Variants in SENP6 observed in about 807,000 individuals in gnomAD.
The protein encoded by SENP6 is SUMO specific peptidase 6.
SENP6 carries 41 observed loss-of-function variants against 134.5 expected under a neutral mutation model. That is an observed-to-expected ratio of 0.30 (90% CI 0.24 to 0.40). The LOEUF is 0.40. Among genes scored for constraint, SENP6 ranks in the 10% least tolerant of loss-of-function variants. The pLI, the probability that SENP6 is intolerant of heterozygous loss-of-function variation, is 1.00. For missense variants in SENP6, 1,248 were observed against 1,312.5 expected (o/e 0.95, Z 0.76); for synonymous variants, 395 against 429.8 (o/e 0.92, Z 1.00).
intron 3 of SENP6, among the ~76,000 whole-genome samples, chr6:75,624,238 G>A (rs977919684): frequency 6.6e-6 from 1 of 152,066 alleles, no homozygotes; most frequent in South Asian, 2.1e-4. Context: ...GAGACCATCT[G>A]TAAGAGTTCA....
At position 75,601,931 on chromosome 6, in the gene SENP6, G is replaced by A. The variant is rs557010369; in HGVS notation, c.-594G>A. 6.6e-6 allele frequency: 1 copy of A among 152,236 alleles called. No homozygotes were observed. The highest frequency in any genetic ancestry group is 1.5e-5 in the Non-Finnish European group (1 of 68,070). 9.4% of individuals were successfully genotyped at this position (152,236 alleles called of 1,614,324 possible). On this transcript the variant is annotated 5_prime_UTR_variant, in exon 1 of 24. Transcript: ENST00000447266. ...CGACCGACGCGAGGCGGTGGCAGAG[G>A]AGACCCACCCCTGTCCACATGGACA...
intron 16 of SENP6, among the ~76,000 whole-genome samples, chr6:75,680,316 G>A (rs762116953): frequency 1.3e-5 from 2 of 152,186 alleles, no homozygotes; most frequent in Non-Finnish European, 2.9e-5. Flanking sequence ...TTAGAGGTCT[G>A]TGATATAACA....
chr6:75,679,120 T>C (rs1198769892), intron 16 of SENP6, 193 bp downstream of exon 16: 1 of 457,880 alleles, frequency 2.2e-6, no homozygotes, highest in African/African-American at 2.1e-5. Context: ...TAAAAAGTTG[T>C]GAAAATTGGG....
chr6:75,622,820 G>A (rs761939448), intron 2 of SENP6: 3 of 1,288,684 alleles, frequency 2.3e-6, no homozygotes, highest in South Asian at 2.5e-5. Context: ...CCGATGAGAT[G>A]TTGATTTGAA....
At chr6:75,711,180 T>TA in intron 20 of SENP6, 148 bp from the exon 21 acceptor site, 1 of 534,614 alleles carries the variant, frequency 1.9e-6, no homozygotes, top group South Asian at 3.3e-5. Flanking sequence ...TTAAGTAACA[T>TA]ACCACATCTC....
Position 75,707,597 on chromosome 6 carries a change from A to G in SENP6, c.2717-1930A>G, listed in dbSNP as rs138520552. Among the ~76,000 whole-genome samples, 776 of 151,926 alleles carry G rather than the reference A, an allele frequency of 5.1e-3. 7 individuals are homozygous for G. In the South Asian group the frequency reaches 0.051, roughly 10 times the overall value. On this transcript the variant is annotated intron_variant, in intron 19 of 23. Coordinates refer to ENST00000447266, the MANE Select transcript of SENP6 (RefSeq NM_015571.4). ...GGTCTCAAACTTCTGTGTTCAAGCA[A>G]TCCTCCCATCTCAGCCTCCCAGAGT...
intron 16 of SENP6, among the ~76,000 whole-genome samples, chr6:75,690,700 T>TG (rs1774177383): frequency 1.4e-5 from 1 of 72,218 alleles, no homozygotes; most frequent in Non-Finnish European, 3.8e-5. Context: ...TTGTTTTTTG[T>TG]TTTTTTTTTT....
At chr6:75,688,209 G>A (rs1285118094) in intron 16 of SENP6, among the ~76,000 whole-genome samples, 2 of 152,238 alleles carry the variant, frequency 1.3e-5, no homozygotes, top group Non-Finnish European at 2.9e-5. Context: ...AGCCAGGCAC[G>A]GGAGAGAATC....
At chr6:75,627,117 A>G (rs1768757604) in intron 3 of SENP6, among the ~76,000 whole-genome samples, 1 of 152,020 alleles carries the variant, frequency 6.6e-6, no homozygotes. Context: ...ACGGACACCA[A>G]CAAACCAGCT....
chr6:75,606,201 A>G (rs1429604537), intron 1 of SENP6, among the ~76,000 whole-genome samples: 1 of 152,180 alleles, frequency 6.6e-6, no homozygotes, highest in Non-Finnish European at 1.5e-5. Context: ...TTCTAATTCC[A>G]TTTCTTTTTA....
intron 1 of SENP6, 89 bp from the exon 2 acceptor site, chr6:75,621,443 A>AT: frequency 1.3e-6 from 1 of 790,978 alleles, no homozygotes; most frequent in Non-Finnish European, 2.1e-6. Flanking sequence ...AAAATCTAGA[A>AT]TAATCAAAGA....
chr6:75,606,909 A>G (rs888980367), intron 1 of SENP6, among the ~76,000 whole-genome samples: 2 of 152,154 alleles, frequency 1.3e-5, no homozygotes, highest in African/African-American at 4.8e-5. Flanking sequence ...ATTAGAGAAC[A>G]GAAGGTAGAG....
In SENP6 at chr6:75,629,791, G is replaced by A. The variant is rs372036898; in HGVS notation, c.208-3790G>A. ...AATTAATATAGTTAATAAGTTAATA[G>A]AGTAAAAATTAATATAGTGAGTTTA... On this transcript the variant is annotated intron_variant, in intron 3 of 23. Transcript: ENST00000447266. 1.1e-4 allele frequency among the ~76,000 whole-genome samples: 17 copies of A among 152,266 alleles called. No homozygotes were observed. The East Asian group carries it at 2.3e-3, about 21-fold the overall frequency.
intron 1 of SENP6, among the ~76,000 whole-genome samples, chr6:75,608,476 G>A (rs1767193332): frequency 6.6e-6 from 1 of 150,722 alleles, no homozygotes; most frequent in Non-Finnish European, 1.5e-5. Context: ...AGAGAGGGAG[G>A]GAGAAAGAAA....
rs72654716 is a variant in SENP6 at position 75,624,078 on chromosome 6, G to T, written c.207+118G>T. 9,446 of 684,742 alleles carry T rather than the reference G, an allele frequency of 0.014. 469 individuals are homozygous for T. In the East Asian group the frequency reaches 0.15, roughly 11 times the overall value. The allele number at this position is 684,742 out of a possible 1,614,324, so 42.4% of individuals were successfully genotyped here. A position where few individuals can be genotyped will look rare whatever the true frequency, so the allele number is the denominator to read the frequency against. Reference sequence around the variant, plus strand: ...GTTACCCACTTTCTCCACTCCAGAGGCAAATGGTGTTCCCAGTTTGTTATT... The same window carrying T: ...GTTACCCACTTTCTCCACTCCAGAGTCAAATGGTGTTCCCAGTTTGTTATT... On this transcript the variant is annotated intron_variant, in intron 3 of 23. Coordinates refer to ENST00000447266, the MANE Select transcript of SENP6 (RefSeq NM_015571.4).
chr6:75,623,515 A>T (rs370872779), intron 2 of SENP6, among the ~76,000 whole-genome samples: 7 of 152,158 alleles, frequency 4.6e-5, no homozygotes, highest in African/African-American at 1.7e-4. Flanking sequence ...TTGTTTCTCT[A>T]TCTTTCTACC....
Position 75,697,405 on chromosome 6 carries a change from AAT to A in SENP6, c.2196-19_2196-18del. ...CACTAGAAATATTTCAGAAGCTTATAATTTATCTCTTTCTTACAGAATACAGC... is the reference window on the plus strand; with the variant it reads ...CACTAGAAATATTTCAGAAGCTTATATTATCTCTTTCTTACAGAATACAGC... On this transcript the variant is annotated intron_variant, in intron 17 of 23. Transcript: ENST00000447266. The A allele has an allele frequency of 6.5e-7, 1 of 1,535,418 alleles. No individual in the cohort carries two copies. The highest frequency in any genetic ancestry group is 9.0e-7 in the Non-Finnish European group (1 of 1,116,734).
At chr6:75,618,329 C>G (rs1768009675) in intron 1 of SENP6, among the ~76,000 whole-genome samples, 1 of 152,012 alleles carries the variant, frequency 6.6e-6, no homozygotes, top group Admixed American at 6.6e-5. Flanking sequence ...AGTTATAACC[C>G]AATGCCGATG....
At chr6:75,648,483 A>G (rs1290118007) in intron 7 of SENP6, among the ~76,000 whole-genome samples, 1 of 152,024 alleles carries the variant, frequency 6.6e-6, no homozygotes, top group Non-Finnish European at 1.5e-5. Context: ...GGTTTTTCTG[A>G]TAGCTTAGAA....
Sources: gnomAD v4.1 joint callset for allele counts (sites outside exome capture counted in the v4.1 genomes callset) on GRCh38, gnomAD v4.1.1 for gene constraint, MANE v1.5 for transcripts, NCBI Gene and HGNC (gene_info 2026-07-23, HGNC 2026-07-21) for gene names.